Variants in CCNJL observed in about 807,000 individuals in gnomAD.
The protein encoded by CCNJL is cyclin-J-like protein.
In CCNJL, 33 loss-of-function variants were observed where a neutral mutation model predicts 33.4. The ratio of observed to expected loss-of-function variants is 0.99; its 90% CI spans 0.75 to 1.32. CCNJL has a LOEUF of 1.32. CCNJL is among the 40% of genes most tolerant of loss of function. The pLI is 0.00. For synonymous variants in CCNJL, 227 were observed against 220.9 expected (o/e 1.03, Z -0.24); for missense variants, 512 against 499.7 (o/e 1.02, Z -0.23).
At chr5:160,254,226 C>T (rs1369201801) in intron 5 of CCNJL, 3 of 525,990 alleles carry the variant, frequency 5.7e-6, no homozygotes, top group Non-Finnish European at 1.0e-5. Context: ...CCAATCTCTG[C>T]TTTCCAGGCA....
At chr5:160,287,201 T>C (rs1762435001) in intron 2 of CCNJL, among the ~76,000 whole-genome samples, 1 of 152,186 alleles carries the variant, frequency 6.6e-6, no homozygotes, top group Non-Finnish European at 1.5e-5. Context: ...TATTTGGTGT[T>C]AACAGCAGCT....
chr5:160,264,816 T>C (rs1253478328), intron 3 of CCNJL, among the ~76,000 whole-genome samples: 2 of 152,322 alleles, frequency 1.3e-5, no homozygotes, highest in Admixed American at 1.3e-4. Context: ...TTCTACCTAC[T>C]GTCCTGGCAA....
intron 3 of CCNJL, among the ~76,000 whole-genome samples, chr5:160,271,696 C>T (rs569827752): frequency 8.5e-5 from 13 of 152,366 alleles, no homozygotes; most frequent in African/African-American, 3.1e-4. Flanking sequence ...ACCACGCAAA[C>T]GTCACTGATT....
rs1309912638 is a variant in CCNJL at position 160,320,826 on chromosome 5, TTTCTTTCTTTCTTTCTTTCTTTCC to T, written n.207-5345_207-5322del. On this transcript the variant is annotated intron_variant and non_coding_transcript_variant, in intron 1 of 7. Transcript: ENST00000377503. ...CTTTCTTTCTTTCTTTCTTTCTTTC[TTTCTTTCTTTCTTTCTTTCTTTCC>T]TTCTTTCTTTCTTTCTTTCTCTCTT... Among the ~76,000 whole-genome samples, 139 of 115,016 alleles carry T rather than the reference TTTCTTTCTTTCTTTCTTTCTTTCC, an allele frequency of 1.2e-3. 1 individual carries two copies. The highest frequency in any genetic ancestry group is 2.6e-3 in the East Asian group (11 of 4,220). 75.5% of individuals were successfully genotyped at this position (115,016 alleles called of 152,430 possible).
intron 3 of CCNJL, among the ~76,000 whole-genome samples, chr5:160,278,766 C>T (rs1442188333): frequency 2.0e-5 from 3 of 152,214 alleles, no homozygotes; most frequent in African/African-American, 7.2e-5. Context: ...GGCCGCGATG[C>T]AGCCCACAGA....
chr5:160,291,097 AAGT>A, intron 2 of CCNJL, among the ~76,000 whole-genome samples: 1 of 151,564 alleles, frequency 6.6e-6, no homozygotes, highest in Non-Finnish European at 1.5e-5. Context: ...AAAGAAAAGA[AAGT>A]AAGTGAGGGA....
At chr5:160,303,962 A>G (rs1318684445) in intron 2 of CCNJL, among the ~76,000 whole-genome samples, 1 of 152,194 alleles carries the variant, frequency 6.6e-6, no homozygotes, top group Non-Finnish European at 1.5e-5. Flanking sequence ...CCAGCCAACC[A>G]GGGTGCCCAG....
intron 2 of CCNJL, 161 bp from the exon 3 acceptor site, chr5:160,280,899 C>A: frequency 1.4e-6 from 1 of 703,692 alleles, no homozygotes; most frequent in Non-Finnish European, 2.6e-6. Context: ...CCCGCCTGGG[C>A]TATCTCCCAT....
At chr5:160,285,690 T>A (rs764512910) in intron 2 of CCNJL, among the ~76,000 whole-genome samples, 2 of 152,244 alleles carry the variant, frequency 1.3e-5, no homozygotes, top group African/African-American at 2.4e-5. Flanking sequence ...GTGTCCCATC[T>A]GGGGAACAGC....
At chr5:160,306,418 A>G (rs1184963432) in intron 2 of CCNJL, among the ~76,000 whole-genome samples, 1 of 152,158 alleles carries the variant, frequency 6.6e-6, no homozygotes, top group Non-Finnish European at 1.5e-5. Context: ...GAAGACCCCT[A>G]AGGTATCACA....
At chr5:160,324,627 G>A (rs72814325) in intron 1 of CCNJL, among the ~76,000 whole-genome samples, 23 of 151,570 alleles carry the variant, frequency 1.5e-4, no homozygotes, top group Non-Finnish European at 3.1e-4. Context: ...AAAACTGTCT[G>A]TCTATCTATC....
upstream of CCNJL, among the ~76,000 whole-genome samples, chr5:160,316,333 C>A (rs1399776765): frequency 6.6e-6 from 1 of 152,140 alleles, no homozygotes; most frequent in Non-Finnish European, 1.5e-5. Flanking sequence ...ACCATCCCTC[C>A]ACCCTCAACC....
rs1236461139 is a variant in CCNJL at position 160,280,886 on chromosome 5, AG to A, written c.67-149del. ...GTTTTCCTGCAAGTCCCAGGATGGC[AG>A]CCCCGCCTGGGCTATCTCCCATCTG... On this transcript the variant is annotated intron_variant, in intron 2 of 5. Coordinates refer to ENST00000257536, the MANE Select transcript of CCNJL (RefSeq NM_001308173.3). 4.2e-6 allele frequency: 3 copies of A among 711,384 alleles called. No individual in the cohort carries two copies. In the South Asian group the frequency reaches 4.5e-5, roughly 11 times the overall value. 44.1% of individuals were successfully genotyped at this position (711,384 alleles called of 1,614,324 possible). A position where few individuals can be genotyped will look rare whatever the true frequency, so the allele number is the denominator to read the frequency against.
At chr5:160,306,838 C>T (rs766085602) in intron 2 of CCNJL, among the ~76,000 whole-genome samples, 4 of 152,200 alleles carry the variant, frequency 2.6e-5, no homozygotes, top group Admixed American at 6.5e-5. Context: ...GTTATCTGGG[C>T]GCAACCTGCA....
chr5:160,284,330 C>T (rs543290933), intron 2 of CCNJL, among the ~76,000 whole-genome samples: 10 of 151,876 alleles, frequency 6.6e-5, no homozygotes, highest in South Asian at 6.3e-4. Flanking sequence ...CTAGCCTGGA[C>T]GACAGAGCCA....
intron 3 of CCNJL, among the ~76,000 whole-genome samples, chr5:160,280,265 G>C (rs960195609): frequency 6.6e-6 from 1 of 152,072 alleles, no homozygotes; most frequent in African/African-American, 2.4e-5. Context: ...TGTAAAGTGG[G>C]GTATACTAAG....
intron 4 of CCNJL, among the ~76,000 whole-genome samples, chr5:160,256,940 A>C (rs940640766): frequency 1.3e-4 from 19 of 151,918 alleles, no homozygotes; most frequent in African/African-American, 4.4e-4. Context: ...ATTTTTTTTC[A>C]TGATTTTCAA....
chr5:160,253,575 A>T lies in CCNJL; in HGVS notation c.967T>A (p.Ser323Thr). 6.2e-7 allele frequency: 1 copy of T among 1,614,124 alleles called. No individual in the cohort carries two copies. The highest frequency in any genetic ancestry group is 8.5e-7 in the Non-Finnish European group (1 of 1,179,992). The part of the protein sequence containing the change: ...LQAHRSGSLL[S>T]GSTGSSLHTP... Reference sequence around the variant, plus strand: ...TGGAGGGATGAGCCTGTACTCCCCGAGAGCAGGCTCCCTGAACGGTGGGCC... The same window carrying T: ...TGGAGGGATGAGCCTGTACTCCCCGTGAGCAGGCTCCCTGAACGGTGGGCC... Residue 323 changes from serine (S) to threonine (T), a missense_variant, in exon 6 of 6, where the codon TCG (serine) becomes ACG (threonine). Coordinates refer to ENST00000257536, the MANE Select transcript of CCNJL (RefSeq NM_001308173.3).
At chr5:160,278,406 C>A (rs1762090184) in intron 3 of CCNJL, among the ~76,000 whole-genome samples, 1 of 152,184 alleles carries the variant, frequency 6.6e-6, no homozygotes, top group African/African-American at 2.4e-5. Flanking sequence ...ATTAGCAGAT[C>A]TCCAAACTTC....
Sources: gnomAD v4.1 joint callset for allele counts (sites outside exome capture counted in the v4.1 genomes callset) on GRCh38, gnomAD v4.1.1 for gene constraint, MANE v1.5 for transcripts, NCBI Gene and HGNC (gene_info 2026-07-23, HGNC 2026-07-21) for gene names.